Variants in CCPG1 observed in about 807,000 individuals in gnomAD.
The protein encoded by CCPG1 is cell cycle progression protein 1.
Under a neutral mutation model 81.3 loss-of-function variants are expected in CCPG1, and 46 were observed. That is an observed-to-expected ratio of 0.57 (90% CI 0.45 to 0.72). CCPG1 has a LOEUF of 0.72. Ranked by LOEUF, CCPG1 falls within the 30% of genes least tolerant of loss-of-function variation. The pLI, the probability that CCPG1 is intolerant of heterozygous loss-of-function variation, is 0.00. For missense variants in CCPG1, 902 were observed against 937.6 expected, an observed-to-expected ratio of 0.96 and a Z score of 0.50; for synonymous variants, 330 against 305.2, an observed-to-expected ratio of 1.08 and a Z score of -0.85.
chr15:55,390,861 G>GTT (rs1332250767), intron 1 of CCPG1, among the ~76,000 whole-genome samples: 1 of 152,160 alleles, frequency 6.6e-6, no homozygotes, highest in African/African-American at 2.4e-5. Flanking sequence ...GACTTTTAAT[G>GTT]TTATGACAAG....
intron 8 of CCPG1, chr15:55,358,389 C>T (rs1448317958): frequency 2.0e-6 from 2 of 985,280 alleles, no homozygotes; most frequent in Non-Finnish European, 2.4e-6. Context: ...ACAATATAAT[C>T]TTATCCCACC....
chr15:55,374,266 A>T (rs1314493254), intron 5 of CCPG1: 1 of 1,254,458 alleles, frequency 8.0e-7, no homozygotes, highest in Non-Finnish European at 1.0e-6. Flanking sequence ...GTGAATAAAC[A>T]GGAAAAAAAG....
chr15:55,383,171 T>C (rs73421665), intron 3 of CCPG1, among the ~76,000 whole-genome samples: 27,109 of 152,202 alleles, frequency 0.18, 4,185 homozygotes, highest in African/African-American at 0.42. Context: ...GGAAACAAAG[T>C]AACATGAATC....
In CCPG1 at chr15:55,356,336, G is replaced by A; in HGVS notation, c.2308C>T (p.Gln770Ter). ...CCTTCCCTTTTATAAGGCTGTGGCT[G>A]AAGGTGCTTCTGCTCTTGTTTTCGA... ...RHRKQEQKHLQPQPYKREGKW... is the reference protein window; with the variant it reads ...RHRKQEQKHL The change falls in exon 9 of 9, where the codon CAG becomes TAG. Residue 770 changes from glutamine to a stop codon, truncating the protein, a stop_gained. Transcript: ENST00000442196. LOFTEE classifies it high-confidence loss of function. 6.5e-7 allele frequency: 1 copy of A among 1,535,586 alleles called. No homozygotes were observed. The highest frequency in any genetic ancestry group is 8.7e-7 in the Non-Finnish European group (1 of 1,146,784).
chr15:55,404,913 T>C (rs754033068), intron 1 of CCPG1, among the ~76,000 whole-genome samples: 1 of 151,884 alleles, frequency 6.6e-6, no homozygotes, highest in Non-Finnish European at 1.5e-5. Context: ...CTACTAAAAA[T>C]ACAAAAATTA....
Position 55,357,060 on chromosome 15 carries a change from T to C in CCPG1, c.2235-651A>G, listed in dbSNP as rs147215928. The stretch of plus-strand genomic sequence containing the variant: ...GCCTTCCCTACAACCCCATGGATGT[T>C]GGTGTTCTCCCAGGAGTCTGATAAA... On this transcript the variant is annotated intron_variant, in intron 8 of 8. Coordinates refer to ENST00000442196, the MANE Select transcript of CCPG1 (RefSeq NM_001204450.2). 4.0e-5 allele frequency: 39 copies of C among 985,484 alleles called. No homozygotes were observed. In the East Asian group the frequency reaches 3.5e-3, roughly 89 times the overall value. 61.0% of individuals were successfully genotyped at this position (985,484 alleles called of 1,614,324 possible). A position where few individuals can be genotyped will look rare whatever the true frequency, so the allele number is the denominator to read the frequency against.
chr15:55,376,461 T>C (rs771065160), intron 5 of CCPG1, among the ~76,000 whole-genome samples: 1 of 152,212 alleles, frequency 6.6e-6, no homozygotes, highest in Non-Finnish European at 1.5e-5. Context: ...TTTGGAAGAC[T>C]AGCTGTATTG....
In CCPG1 at chr15:55,385,706, A is replaced by G; in HGVS notation, c.69T>C (p.Asp23=). 6.4e-7 allele frequency: 1 copy of G among 1,572,210 alleles called. No individual in the cohort carries two copies. Among genetic ancestry groups the G allele is most frequent in the Non-Finnish European group, 8.8e-7 (1 of 1,142,116 alleles). Residue 23 remains aspartate, a synonymous_variant, in exon 3 of 9, where the codon GAT becomes GAC. Coordinates refer to ENST00000442196, the MANE Select transcript of CCPG1 (RefSeq NM_001204450.2). ...GGGTCACAGAATTCAACATTTCTAT[A>G]TCTGACCCCTAAGGAAAAGTGATAA... is the stretch of plus-strand genomic sequence containing the variant. ...GWTVISHEGS[D]IEMLNSVTPT... is the part of the protein sequence containing the mutation.
At chr15:55,390,091 T>C (rs1026688416) in intron 1 of CCPG1, among the ~76,000 whole-genome samples, 3 of 151,926 alleles carry the variant, frequency 2.0e-5, no homozygotes, top group African/African-American at 7.2e-5. Flanking sequence ...GCCCCACTAA[T>C]TTTTGTATTT....
intron 8 of CCPG1, chr15:55,359,282 ATTC>A (rs1424904171): frequency 8.6e-7 from 1 of 1,157,852 alleles, no homozygotes; most frequent in Non-Finnish European, 1.1e-6. Flanking sequence ...GATTTTATAT[ATTC>A]TTAACTGATT....
chr15:55,404,086 A>G (rs1415346615), intron 1 of CCPG1, among the ~76,000 whole-genome samples: 2 of 152,224 alleles, frequency 1.3e-5, no homozygotes, highest in African/African-American at 4.8e-5. Flanking sequence ...CCCAAAGCCT[A>G]ATAACATATT....
chr15:55,380,268 A>G (rs979140178), intron 3 of CCPG1, among the ~76,000 whole-genome samples: 1 of 150,888 alleles, frequency 6.6e-6, no homozygotes, highest in Non-Finnish European at 1.5e-5. Context: ...TTTCCCTATC[A>G]TGAACATGCA....
chr15:55,366,572 G>C (rs1444505547), intron 6 of CCPG1, among the ~76,000 whole-genome samples: 2 of 152,106 alleles, frequency 1.3e-5, no homozygotes, highest in South Asian at 2.1e-4. Context: ...AGGAGTTCGA[G>C]ACCAGCCTGA....
chr15:55,383,622 TCA>T (rs1162547852), intron 3 of CCPG1, among the ~76,000 whole-genome samples: 1 of 152,250 alleles, frequency 6.6e-6, no homozygotes, highest in African/African-American at 2.4e-5. Flanking sequence ...ATCCATTATC[TCA>T]GTTAGATCTC....
At chr15:55,386,863 C>T (rs2056810120) in intron 2 of CCPG1, among the ~76,000 whole-genome samples, 1 of 151,232 alleles carries the variant, frequency 6.6e-6, no homozygotes, top group Non-Finnish European at 1.5e-5. Context: ...TGCCACTGCA[C>T]TCCAGCCTGG....
chr15:55,356,265 AT>A lies in CCPG1; in HGVS notation c.2378del (p.Asn793IlefsTer4). ...YGRTNGRQMA[N>X]LEIELGQLPF... ...GTAATTGCCCCAATTCTATTTCAAG[AT>A]TTGCCATTTGTCTTCCATTAGTGCG... On this transcript the variant is annotated frameshift_variant, in exon 9 of 9. Transcript: ENST00000442196. LOFTEE classifies it high-confidence loss of function. The A allele has an allele frequency of 1.3e-6, 2 of 1,534,968 alleles. No homozygotes were observed. Among genetic ancestry groups the A allele is most frequent in the Non-Finnish European group, 1.7e-6 (2 of 1,146,444 alleles).
Position 55,360,443 on chromosome 15 carries a change from G to T in CCPG1, c.1330C>A (p.Arg444Ser). The T allele has an allele frequency of 6.2e-7, 1 of 1,613,900 alleles. No individual in the cohort carries two copies. Among genetic ancestry groups the T allele is most frequent in the Non-Finnish European group, 8.5e-7 (1 of 1,180,008 alleles). Residue 444 changes from arginine to serine, a missense_variant, in exon 8 of 9, where the codon CGT (arginine) becomes AGT (serine). Arg to Ser is a moderately radical substitution (Grantham distance 110). Around this residue, in one of 3 missense-constraint regions of CCPG1, gnomAD observed 746 missense variants for 728.6 expected, o/e 1.02. Transcript: ENST00000442196. The stretch of plus-strand genomic sequence containing the variant: ...TACAATCTTTCCCACAAATCAGAAC[G>T]CTGCTGTTCGAAGGTTAGCTTCCGT... ...LERKLTFEQQ[R>S]SDLWERLYVE...
chr15:55,399,431 A>C (rs1447044566), intron 1 of CCPG1, among the ~76,000 whole-genome samples: 1 of 150,918 alleles, frequency 6.6e-6, no homozygotes, highest in Non-Finnish European at 1.5e-5. Context: ...AAAAAAAAAA[A>C]AAAAAAAACT....
At position 55,397,332 on chromosome 15, in the gene CCPG1, A is replaced by G. The variant is rs1260399478; in HGVS notation, c.-9-7899T>C. On this transcript the variant is annotated intron_variant, in intron 1 of 8. Transcript: ENST00000442196. ...CTTTTAAAAAGCGTTTTAGCTTTAC[A>G]CTCTGAGAACTAAAAGTCACAGAAG... 5.9e-5 allele frequency among the ~76,000 whole-genome samples: 9 copies of G among 152,332 alleles called. No homozygotes were observed. The East Asian group carries it at 1.7e-3, about 29-fold the overall frequency.
Sources: gnomAD v4.1 joint callset for allele counts (sites outside exome capture counted in the v4.1 genomes callset) on GRCh38, gnomAD v4.1.1 for gene constraint, gnomAD v4.1.1 regional missense constraint, MANE v1.5 for transcripts, NCBI Gene and HGNC (gene_info 2026-07-23, HGNC 2026-07-21) for gene names.